The following PPP5C variants were observed in gnomAD, a reference collection of about 807,000 sequenced individuals.
PPP5C encodes the protein serine/threonine-protein phosphatase 5.
Under a neutral mutation model 66.7 loss-of-function variants are expected in PPP5C, and 21 were observed. The ratio of observed to expected loss-of-function variants is 0.31; its 90% CI spans 0.22 to 0.45. The LOEUF is 0.45. Among genes scored for constraint, PPP5C ranks in the 20% least tolerant of loss-of-function variants. The probability of loss-of-function intolerance (pLI) is 1.00; values close to 1 mark genes in which losing one functional copy is unlikely to be tolerated. For missense variants in PPP5C, 464 were observed against 675.9 expected (o/e 0.69, Z 3.48); for synonymous variants, 246 against 257.4 (o/e 0.96, Z 0.43).
intron 1 of PPP5C, 51 bp downstream of exon 1, chr19:46,347,268 C>T (rs778112186): frequency 5.9e-6 from 9 of 1,532,176 alleles, no homozygotes; most frequent in Non-Finnish European, 7.9e-6. Context: ...TGAGGGGTGC[C>T]GGGCCCGCGC....
At chr19:46,384,072 C>G in intron 6 of PPP5C, 194 bp downstream of exon 6, 1 of 591,234 alleles carries the variant, frequency 1.7e-6, no homozygotes, top group South Asian at 2.0e-5. Context: ...CTCGGACAGG[C>G]CTGGGCCAGC....
At chr19:46,366,776 C>T (rs1016129105) in intron 2 of PPP5C, among the ~76,000 whole-genome samples, 6 of 152,112 alleles carry the variant, frequency 3.9e-5, no homozygotes, top group Non-Finnish European at 5.9e-5. Context: ...GTGTGAGTTA[C>T]GGTGTCTGTG....
At chr19:46,354,669 C>T (rs969477082) in intron 2 of PPP5C, among the ~76,000 whole-genome samples, 2 of 152,112 alleles carry the variant, frequency 1.3e-5, no homozygotes, top group Non-Finnish European at 2.9e-5. Context: ...TGGTGGCACG[C>T]ACCTTTAGTC....
chr19:46,389,998 A>G (rs894856256), intron 11 of PPP5C, 53 bp from the exon 12 acceptor site: 6 of 1,560,022 alleles, frequency 3.8e-6, no homozygotes, highest in Non-Finnish European at 5.3e-6. Context: ...CTCTTAACCC[A>G]CCAGCCCCAC....
chr19:46,359,554 T>C (rs1972345207), intron 2 of PPP5C, among the ~76,000 whole-genome samples: 1 of 152,110 alleles, frequency 6.6e-6, no homozygotes. Context: ...CCAAAAACAG[T>C]GGTCAGGGCT....
At position 46,390,334 on chromosome 19, in the gene PPP5C, A is replaced by G. The variant is rs35374970; in HGVS notation, c.1488A>G (p.Leu496=). 8.0e-4 allele frequency: 1,262 copies of G among 1,580,010 alleles called. 8 individuals carry two copies. In the African/African-American group the frequency reaches 0.014, roughly 18 times the overall value. ...PMAYANTLLQ[L]GMM is the part of the protein sequence containing the mutation. ...CCTATGCCAACACGCTGCTGCAGCT[A>G]GGAATGATGTGAGGTGACGGGCGGG... The change falls in exon 13 of 13, where the codon CTA becomes CTG. Residue 496 remains leucine, a synonymous_variant. Coordinates refer to ENST00000012443, the MANE Select transcript of PPP5C (RefSeq NM_006247.4).
At chr19:46,353,404 C>T (rs932648318) in intron 1 of PPP5C, among the ~76,000 whole-genome samples, 1 of 152,136 alleles carries the variant, frequency 6.6e-6, no homozygotes, top group Non-Finnish European at 1.5e-5. Flanking sequence ...CCAGCTGCCT[C>T]AGCTCTCACT....
At chr19:46,356,733 T>A (rs1201719323) in intron 2 of PPP5C, among the ~76,000 whole-genome samples, 1 of 152,238 alleles carries the variant, frequency 6.6e-6, no homozygotes, top group African/African-American at 2.4e-5. Flanking sequence ...TAAAAACGGT[T>A]CATTGTTTGG....
Position 46,359,662 on chromosome 19 carries a change from C to T in PPP5C, c.363+5673C>T, listed in dbSNP as rs185299920. On this transcript the variant is annotated intron_variant, in intron 2 of 12. Coordinates refer to ENST00000012443, the MANE Select transcript of PPP5C (RefSeq NM_006247.4). The stretch of plus-strand genomic sequence containing the variant: ...AATAATAGCAAGACCAATTTATTCT[C>T]AAAATAAGTTTTAGTGTTATACTTT... 4.2e-3 allele frequency among the ~76,000 whole-genome samples: 636 copies of T among 151,898 alleles called. 1 individual carries two copies. The highest frequency in any genetic ancestry group is 0.015 in the African/African-American group (607 of 41,392).
chr19:46,360,557 T>C (rs1250665124), intron 2 of PPP5C, among the ~76,000 whole-genome samples: 1 of 151,902 alleles, frequency 6.6e-6, no homozygotes, highest in Non-Finnish European at 1.5e-5. Context: ...CTGGAGTGCA[T>C]TGGCACAATC....
chr19:46,365,100 G>T (rs977091722), intron 2 of PPP5C, among the ~76,000 whole-genome samples: 6 of 152,050 alleles, frequency 3.9e-5, no homozygotes, highest in African/African-American at 1.4e-4. Flanking sequence ...CTCTTGCCTC[G>T]GTCTCCCAAG....
chr19:46,380,010 A>G (rs1468195887), intron 4 of PPP5C, among the ~76,000 whole-genome samples: 1 of 152,234 alleles, frequency 6.6e-6, no homozygotes, highest in Non-Finnish European at 1.5e-5. Context: ...AATGGACAAT[A>G]TAAGAATCTT....
At chr19:46,381,514 A>C (rs1972790376) in intron 4 of PPP5C, 1 of 152,214 alleles carries the variant, frequency 6.6e-6, no homozygotes, top group South Asian at 2.1e-4. Context: ...TGGGAGGCCA[A>C]GGTGGGCAGA....
chr19:46,358,539 A>C (rs1005584418), intron 2 of PPP5C, among the ~76,000 whole-genome samples: 1 of 152,202 alleles, frequency 6.6e-6, no homozygotes, highest in African/African-American at 2.4e-5. Flanking sequence ...TACCCTCGTA[A>C]ATGTTCCTCC....
chr19:46,386,299 G>A (rs920404739), intron 7 of PPP5C, among the ~76,000 whole-genome samples: 7 of 152,188 alleles, frequency 4.6e-5, no homozygotes, highest in African/African-American at 1.7e-4. Context: ...TGGCGGGGCC[G>A]GGGTGAGTTG....
At chr19:46,355,103 C>A (rs1171115483) in intron 2 of PPP5C, among the ~76,000 whole-genome samples, 1 of 152,206 alleles carries the variant, frequency 6.6e-6, no homozygotes. Context: ...GCCCAGTGAC[C>A]CCCACCTGGT....
At chr19:46,375,817 TG>T (rs911121391) in intron 3 of PPP5C, 66 bp downstream of exon 3, 10 of 1,510,670 alleles carry the variant, frequency 6.6e-6, no homozygotes, top group Middle Eastern at 2.1e-4. Context: ...CTCCATTCCC[TG>T]GGGGTGGGGT....
intron 2 of PPP5C, among the ~76,000 whole-genome samples, chr19:46,357,741 G>T (rs969317449): frequency 6.6e-6 from 1 of 152,214 alleles, no homozygotes; most frequent in Non-Finnish European, 1.5e-5. Context: ...TGCTACAAAG[G>T]ATACAGATGA....
At chr19:46,385,578 G>A (rs1004736394) in intron 7 of PPP5C, among the ~76,000 whole-genome samples, 3 of 152,054 alleles carry the variant, frequency 2.0e-5, no homozygotes, top group African/African-American at 4.8e-5. Flanking sequence ...TCAAGAGTTC[G>A]AAACCAGCCT....
Sources: gnomAD v4.1 joint callset for allele counts (sites outside exome capture counted in the v4.1 genomes callset) on GRCh38, gnomAD v4.1.1 for gene constraint, MANE v1.5 for transcripts, NCBI Gene and HGNC (gene_info 2026-07-23, HGNC 2026-07-21) for gene names.